GPR176: variants seen among roughly 807,000 people sequenced by gnomAD.
GPR176 encodes G protein-coupled receptor 176, also known as G-protein coupled receptor 176.
GPR176 carries 26 observed loss-of-function variants against 35.4 expected under a neutral mutation model. The observed-to-expected ratio is 0.74, with a 90% CI of 0.54 to 1.02. The LOEUF is 1.02. Ranked by LOEUF, GPR176 falls within the 50% of genes least tolerant of loss-of-function variation. The pLI, the probability that GPR176 is intolerant of heterozygous loss-of-function variation, is 0.00. For missense variants in GPR176, 597 were observed against 665.3 expected (o/e 0.90, Z 1.13); for synonymous variants, 278 against 271.3 (o/e 1.02, Z -0.24).
At chr15:39,889,671 C>T (rs761497414) in intron 1 of GPR176, among the ~76,000 whole-genome samples, 70 of 152,108 alleles carry the variant, frequency 4.6e-4, no homozygotes, top group Non-Finnish European at 8.4e-4. Flanking sequence ...AATATGAGAA[C>T]GCTAGGGTCC....
intron 1 of GPR176, among the ~76,000 whole-genome samples, chr15:39,818,289 C>G (rs779295034): frequency 1.3e-5 from 2 of 152,126 alleles, no homozygotes; most frequent in African/African-American, 2.4e-5. Flanking sequence ...TAATTTGATT[C>G]CAGAGGATTT....
At position 39,800,602 on chromosome 15, in the gene GPR176, T is replaced by C. The variant is rs141045010; in HGVS notation, c.*530A>G. ...GTATCAGGAGAAACAGTGAGTCATATGACTGGGGCTTCCAGAGAAACAGTG... is the reference window on the plus strand; with the variant it reads ...GTATCAGGAGAAACAGTGAGTCATACGACTGGGGCTTCCAGAGAAACAGTG... On this transcript the variant is annotated 3_prime_UTR_variant, in exon 3 of 3. Coordinates refer to ENST00000561100, the MANE Select transcript of GPR176 (RefSeq NM_007223.3). 1.9e-3 allele frequency: 304 copies of C among 156,584 alleles called. 6 individuals carry two copies. Among genetic ancestry groups the C allele is most frequent in the Admixed American group, 0.014 (232 of 16,462 alleles). 9.7% of individuals were successfully genotyped at this position (156,584 alleles called of 1,614,324 possible).
intron 1 of GPR176, among the ~76,000 whole-genome samples, chr15:39,912,364 C>G (rs895978956): frequency 6.6e-6 from 1 of 152,044 alleles, no homozygotes; most frequent in Admixed American, 6.5e-5. Flanking sequence ...CACCTGTAAT[C>G]CCAGCACTTT....
chr15:39,919,839 C>T lies in GPR176; in HGVS notation c.172+16G>A, dbSNP rs775785783. The T allele has an allele frequency of 3.5e-5, 49 of 1,390,200 alleles. No homozygotes were observed. Among genetic ancestry groups the T allele is most frequent in the Non-Finnish European group, 4.6e-5 (49 of 1,066,882 alleles). 86.1% of individuals were successfully genotyped at this position (1,390,200 alleles called of 1,614,324 possible). A position where few individuals can be genotyped will look rare whatever the true frequency, so the allele number is the denominator to read the frequency against. On this transcript the variant is annotated intron_variant, in intron 1 of 2. Coordinates refer to ENST00000561100, the MANE Select transcript of GPR176 (RefSeq NM_007223.3). ...TCGGGGAGGCCCGGTCCGGAGGCGC[C>T]CCGCGGGAGGCTTACCGAGCAGCGA...
chr15:39,897,599 ATTTTTTT>A (rs386382791), intron 1 of GPR176, among the ~76,000 whole-genome samples: 46 of 88,522 alleles, frequency 5.2e-4, no homozygotes, highest in Non-Finnish European at 8.8e-4. Flanking sequence ...ACATCCAAAT[ATTTTTTT>A]TTTTTTTTTT....
At chr15:39,861,898 A>G (rs2031607611) in intron 1 of GPR176, among the ~76,000 whole-genome samples, 1 of 152,198 alleles carries the variant, frequency 6.6e-6, no homozygotes, top group Admixed American at 6.5e-5. Context: ...ATCAGCCCAA[A>G]TGAATCCTGT....
chr15:39,830,172 T>C (rs770733), intron 1 of GPR176, among the ~76,000 whole-genome samples: 143,345 of 152,204 alleles, frequency 0.94, 67,822 homozygotes, highest in Non-Finnish European at 0.99. Flanking sequence ...TACAAACTAC[T>C]ACTCTTTGAT....
At chr15:39,808,090 G>C (rs1445366678) in intron 1 of GPR176, among the ~76,000 whole-genome samples, 2 of 152,156 alleles carry the variant, frequency 1.3e-5, no homozygotes, top group Non-Finnish European at 2.9e-5. Flanking sequence ...AGAAGAGCAT[G>C]GTACAGCTCC....
At chr15:39,878,942 A>C (rs2032366195) in intron 1 of GPR176, among the ~76,000 whole-genome samples, 1 of 152,258 alleles carries the variant, frequency 6.6e-6, no homozygotes, top group African/African-American at 2.4e-5. Context: ...GTCCTTCCTG[A>C]ACATCACAGA....
chr15:39,896,420 C>G (rs2033115874), intron 1 of GPR176, among the ~76,000 whole-genome samples: 1 of 152,060 alleles, frequency 6.6e-6, no homozygotes, highest in Non-Finnish European at 1.5e-5. Context: ...GAAATATCTT[C>G]AATGTCAAAA....
At chr15:39,861,665 T>C (rs1394691496) in intron 1 of GPR176, among the ~76,000 whole-genome samples, 4 of 152,202 alleles carry the variant, frequency 2.6e-5, no homozygotes, top group African/African-American at 9.7e-5. Context: ...CTCCATTTAA[T>C]ATTCTGTACT....
chr15:39,826,767 A>G (rs1234991607), intron 1 of GPR176, among the ~76,000 whole-genome samples: 1 of 152,242 alleles, frequency 6.6e-6, no homozygotes, highest in African/African-American at 2.4e-5. Context: ...AACAGAAGCC[A>G]GAGGGGGCCT....
chr15:39,912,288 C>A (rs10220849), intron 1 of GPR176, among the ~76,000 whole-genome samples: 1 of 152,160 alleles, frequency 6.6e-6, no homozygotes, highest in African/African-American at 2.4e-5. Flanking sequence ...TAACAACAAT[C>A]TTCCACCCAG....
chr15:39,903,002 A>G (rs2033322214), intron 1 of GPR176, among the ~76,000 whole-genome samples: 1 of 152,238 alleles, frequency 6.6e-6, no homozygotes, highest in South Asian at 2.1e-4. Context: ...TGCAAAAGCA[A>G]TATATTTTCA....
At chr15:39,904,223 A>G (rs1020108051) in intron 1 of GPR176, among the ~76,000 whole-genome samples, 3 of 152,078 alleles carry the variant, frequency 2.0e-5, no homozygotes, top group Non-Finnish European at 4.4e-5. Flanking sequence ...CTGACCTCCC[A>G]TCTCATCCTA....
intron 1 of GPR176, among the ~76,000 whole-genome samples, chr15:39,814,548 C>A (rs1461960992): frequency 6.6e-6 from 1 of 152,128 alleles, no homozygotes; most frequent in African/African-American, 2.4e-5. Flanking sequence ...GTATCTACTT[C>A]TAGAAGAATT....
chr15:39,879,552 T>C (rs551736894), intron 1 of GPR176, among the ~76,000 whole-genome samples: 1 of 152,288 alleles, frequency 6.6e-6, no homozygotes, highest in South Asian at 2.1e-4. Flanking sequence ...CTCCCCCTCC[T>C]TGACCTTACT....
At chr15:39,875,666 A>G (rs1450904110) in intron 1 of GPR176, among the ~76,000 whole-genome samples, 2 of 152,184 alleles carry the variant, frequency 1.3e-5, no homozygotes, top group East Asian at 3.8e-4. Flanking sequence ...CAATTTCTTC[A>G]TGTAGGAAAT....
chr15:39,847,050 A>G (rs2030481275), intron 1 of GPR176, among the ~76,000 whole-genome samples: 1 of 152,152 alleles, frequency 6.6e-6, no homozygotes, highest in Non-Finnish European at 1.5e-5. Flanking sequence ...CTATTCCAAG[A>G]ACTGGTAAAG....
Sources: gnomAD v4.1 joint callset for allele counts (sites outside exome capture counted in the v4.1 genomes callset) on GRCh38, gnomAD v4.1.1 for gene constraint, MANE v1.5 for transcripts, NCBI Gene and HGNC (gene_info 2026-07-23, HGNC 2026-07-21) for gene names.